SLC25A21: variants seen among roughly 807,000 people sequenced by gnomAD.
SLC25A21 encodes mitochondrial 2-oxodicarboxylate carrier.
Under a neutral mutation model 43.8 loss-of-function variants are expected in SLC25A21, and 47 were observed. The ratio of observed to expected loss-of-function variants is 1.07; its 90% CI spans 0.85 to 1.37. The LOEUF is 1.37. SLC25A21 is among the 40% of genes most tolerant of loss of function. The pLI, the probability that SLC25A21 is intolerant of heterozygous loss-of-function variation, is 0.00. For synonymous variants in SLC25A21, 131 were observed against 121.3 expected (o/e 1.08, Z -0.52); for missense variants, 352 against 350.2 (o/e 1.00, Z -0.04).
At position 36,684,783 on chromosome 14, in the gene SLC25A21, G is replaced by T. The variant is rs1566491767; in HGVS notation, c.746C>A (p.Thr249Asn). The T allele has an allele frequency of 6.2e-7, 1 of 1,612,032 alleles. No individual in the cohort carries two copies. Among genetic ancestry groups the T allele is most frequent in the Non-Finnish European group, 8.5e-7 (1 of 1,179,162 alleles). Reference protein sequence around the residue: ...QPVPGEIKYRTCFKTMATVYQ... With the variant: ...QPVPGEIKYRNCFKTMATVYQ... The stretch of plus-strand genomic sequence containing the variant: ...GACTGTTGCCATTGTTTTAAAACAG[G>T]TTCTGTACTTGATCTCTCCAGGAAC... The change falls in exon 8 of 10, where the codon ACC becomes AAC. Residue 249 changes from threonine (T) to asparagine (N), a missense_variant. Transcript: ENST00000331299.
chr14:36,680,609 G>A lies in SLC25A21; in HGVS notation c.*49C>T, dbSNP rs1474599732. 3 of 1,605,092 alleles carry A rather than the reference G, an allele frequency of 1.9e-6. No individual in the cohort carries two copies. Among genetic ancestry groups the A allele is most frequent in the Non-Finnish European group, 1.7e-6 (2 of 1,175,990 alleles). On this transcript the variant is annotated 3_prime_UTR_variant, in exon 10 of 10. Transcript: ENST00000331299. ...GATAGTCTCTCTTCTTCATGGTGCT[G>A]CATAGCAAATATCCATTATCTCAAG... is the stretch of plus-strand genomic sequence containing the variant.
At chr14:37,011,334 T>C (rs1042985568) in intron 1 of SLC25A21, among the ~76,000 whole-genome samples, 2 of 152,204 alleles carry the variant, frequency 1.3e-5, no homozygotes, top group African/African-American at 4.8e-5. Flanking sequence ...TTATAAGTTA[T>C]ACATCCATAT....
At chr14:36,888,188 G>T (rs1276928063) in intron 1 of SLC25A21, among the ~76,000 whole-genome samples, 3 of 152,096 alleles carry the variant, frequency 2.0e-5, no homozygotes, top group African/African-American at 7.2e-5. Context: ...GGTTCAAATA[G>T]CTTTACAATT....
At chr14:36,820,085 G>A (rs1420759654) in intron 2 of SLC25A21, among the ~76,000 whole-genome samples, 1 of 152,140 alleles carries the variant, frequency 6.6e-6, no homozygotes, top group Non-Finnish European at 1.5e-5. Flanking sequence ...GCAGTGGGAA[G>A]CCATTCCAAG....
intron 3 of SLC25A21, among the ~76,000 whole-genome samples, chr14:36,745,052 T>A (rs1458620282): frequency 2.0e-5 from 3 of 150,706 alleles, no homozygotes; most frequent in Non-Finnish European, 4.4e-5. Flanking sequence ...GTCCATGTGT[T>A]CTCATTGTTC....
intron 2 of SLC25A21, among the ~76,000 whole-genome samples, chr14:36,827,065 CCT>C (rs1168971197): frequency 1.3e-5 from 2 of 152,150 alleles, no homozygotes; most frequent in African/African-American, 2.4e-5. Context: ...CTTTTGTTCC[CCT>C]GTTTGTTTTG....
At chr14:37,007,801 C>T (rs908458770) in intron 1 of SLC25A21, among the ~76,000 whole-genome samples, 2 of 152,040 alleles carry the variant, frequency 1.3e-5, no homozygotes, top group African/African-American at 4.8e-5. Flanking sequence ...TCAAAATAGA[C>T]TAAATTCCAT....
At chr14:37,051,067 T>C (rs1279649544) in intron 1 of SLC25A21, among the ~76,000 whole-genome samples, 1 of 152,234 alleles carries the variant, frequency 6.6e-6, no homozygotes, top group Non-Finnish European at 1.5e-5. Flanking sequence ...AATGACTTTG[T>C]TCATGTATTA....
intron 1 of SLC25A21, among the ~76,000 whole-genome samples, chr14:37,164,654 T>TATTTTA (rs1440822339): frequency 1.3e-5 from 2 of 152,220 alleles, no homozygotes; most frequent in Non-Finnish European, 2.9e-5. Flanking sequence ...TTAAGGCATC[T>TATTTTA]ATTTTAACTG....
intron 1 of SLC25A21, among the ~76,000 whole-genome samples, chr14:36,972,284 A>G (rs1184117194): frequency 1.3e-5 from 2 of 152,326 alleles, no homozygotes; most frequent in East Asian, 3.9e-4. Context: ...TAAGGACAAA[A>G]GCACCTAATG....
At chr14:37,132,925 C>T (rs1963415352) in intron 1 of SLC25A21, among the ~76,000 whole-genome samples, 1 of 151,782 alleles carries the variant, frequency 6.6e-6, no homozygotes, top group Admixed American at 6.6e-5. Flanking sequence ...AGATGGGGTT[C>T]CACCATGATG....
intron 7 of SLC25A21, among the ~76,000 whole-genome samples, chr14:36,687,189 G>A (rs1019671348): frequency 2.0e-5 from 3 of 152,150 alleles, no homozygotes; most frequent in Non-Finnish European, 2.9e-5. Flanking sequence ...CTGACCTCAG[G>A]TGATTTGCCT....
At chr14:36,700,535 T>A (rs905962992) in intron 7 of SLC25A21, among the ~76,000 whole-genome samples, 1 of 152,308 alleles carries the variant, frequency 6.6e-6, no homozygotes, top group East Asian at 1.9e-4. Context: ...TGTGTCCACA[T>A]ATTTGAAGAA....
At chr14:37,154,119 G>A (rs933754911) in intron 1 of SLC25A21, among the ~76,000 whole-genome samples, 4 of 151,860 alleles carry the variant, frequency 2.6e-5, no homozygotes, top group Non-Finnish European at 5.9e-5. Context: ...CGTCACCCTG[G>A]GGCACAAAGA....
chr14:36,871,702 T>C (rs545308734), intron 2 of SLC25A21, among the ~76,000 whole-genome samples: 2 of 152,342 alleles, frequency 1.3e-5, no homozygotes, highest in South Asian at 4.1e-4. Flanking sequence ...ACTTTTTAAA[T>C]GACACAGTAT....
At chr14:36,693,645 A>G (rs1882887603) in intron 7 of SLC25A21, among the ~76,000 whole-genome samples, 2 of 151,914 alleles carry the variant, frequency 1.3e-5, no homozygotes, top group Non-Finnish European at 2.9e-5. Flanking sequence ...TTATTTATTT[A>G]TTTTTTAAGA....
intron 1 of SLC25A21, among the ~76,000 whole-genome samples, chr14:36,972,425 A>G (rs945593554): frequency 5.3e-5 from 8 of 152,250 alleles, no homozygotes; most frequent in Non-Finnish European, 1.2e-4. Flanking sequence ...AATTAAGGCC[A>G]TGGTCATCCC....
At chr14:36,859,599 A>C (rs909186393) in intron 2 of SLC25A21, among the ~76,000 whole-genome samples, 1 of 152,176 alleles carries the variant, frequency 6.6e-6, no homozygotes, top group African/African-American at 2.4e-5. Flanking sequence ...CTGGGTTCAG[A>C]TGACAGTTTG....
At chr14:36,976,741 C>T (rs187898738) in intron 1 of SLC25A21, among the ~76,000 whole-genome samples, 106 of 152,302 alleles carry the variant, frequency 7.0e-4, no homozygotes, top group Admixed American at 1.1e-3. Flanking sequence ...AGCTTGACCT[C>T]GGAAGGAACC....
Sources: allele counts gnomAD v4.1 joint callset (sites outside exome capture counted in the v4.1 genomes callset), GRCh38; gene constraint gnomAD v4.1.1; transcripts MANE v1.5; gene names NCBI Gene and HGNC (gene_info 2026-07-23, HGNC 2026-07-21).